The following ZDHHC7 variants were observed in gnomAD, a reference collection of about 807,000 sequenced individuals.
ZDHHC7 encodes palmitoyltransferase ZDHHC7.
Under a neutral mutation model 34.1 loss-of-function variants are expected in ZDHHC7, and 12 were observed. The ratio of observed to expected loss-of-function variants is 0.35; its 90% confidence interval spans 0.23 to 0.57. ZDHHC7 has a LOEUF of 0.57. Among genes scored for constraint, ZDHHC7 ranks in the 20% least tolerant of loss-of-function variants. The pLI is 0.84. For synonymous variants in ZDHHC7, 185 were observed against 155.4 expected (o/e 1.19, Z -1.42); for missense variants, 388 against 402.7 (o/e 0.96, Z 0.31).
intron 7 of ZDHHC7, 142 bp from the exon 8 acceptor site, chr16:84,976,661 C>T (rs750424937): frequency 1.0e-4 from 126 of 1,224,504 alleles, no homozygotes; most frequent in Non-Finnish European, 1.3e-4. Context: ...AGCTCTGCCC[C>T]GATCCAGACC....
intron 1 of ZDHHC7, among the ~76,000 whole-genome samples, chr16:85,010,840 A>T (rs537326252): frequency 1.3e-4 from 20 of 152,374 alleles, no homozygotes; most frequent in African/African-American, 4.8e-4. Flanking sequence ...AGATGGGCAG[A>T]GAATAAAAGA....
At chr16:85,000,504 C>T (rs1236461072) in intron 1 of ZDHHC7, among the ~76,000 whole-genome samples, 2 of 152,082 alleles carry the variant, frequency 1.3e-5, no homozygotes, top group Non-Finnish European at 2.9e-5. Flanking sequence ...AGAAAAGAAC[C>T]AAGACATAAT....
At chr16:84,981,480 G>A (rs1318956435) in intron 4 of ZDHHC7, among the ~76,000 whole-genome samples, 1 of 152,224 alleles carries the variant, frequency 6.6e-6, no homozygotes, top group African/African-American at 2.4e-5. Context: ...AGGAGTGAGG[G>A]GAAGGTTCTG....
At chr16:85,004,480 C>T (rs1009217251) in intron 1 of ZDHHC7, among the ~76,000 whole-genome samples, 1 of 152,062 alleles carries the variant, frequency 6.6e-6, no homozygotes, top group African/African-American at 2.4e-5. Flanking sequence ...CATGTCACTC[C>T]CCTCCCTAAG....
chr16:85,004,193 CA>C (rs964010630), intron 1 of ZDHHC7, among the ~76,000 whole-genome samples: 24 of 150,368 alleles, frequency 1.6e-4, no homozygotes, highest in African/African-American at 4.4e-4. Flanking sequence ...ACACCACACC[CA>C]AAAAAAAAGG....
At chr16:84,990,945 TC>T (rs888594052) in intron 2 of ZDHHC7, among the ~76,000 whole-genome samples, 32 of 152,286 alleles carry the variant, frequency 2.1e-4, no homozygotes, top group African/African-American at 7.5e-4. Flanking sequence ...AGCACTGGGT[TC>T]CCCGGCAGCG....
intron 4 of ZDHHC7, among the ~76,000 whole-genome samples, chr16:84,981,562 T>C (rs1417636221): frequency 1.3e-5 from 2 of 152,198 alleles, no homozygotes; most frequent in African/African-American, 2.4e-5. Context: ...CTGTGTGGCA[T>C]GTGTGCCACA....
upstream of ZDHHC7, among the ~76,000 whole-genome samples, chr16:85,011,838 A>T (rs1187363111): frequency 6.6e-6 from 1 of 152,194 alleles, no homozygotes; most frequent in African/African-American, 2.4e-5. Context: ...GCGGTGTCTC[A>T]GAGGCAGCTC....
At chr16:85,021,409 C>CA in the ZDHHC7 span, among the ~76,000 whole-genome samples, 47,054 of 85,324 alleles carry the variant, frequency 0.55, 13,369 homozygotes, top group African/African-American at 0.79. Context: ...AGACTCCATC[C>CA]AAAAAAAAAA....
At chr16:85,003,376 C>G (rs1367861848) in intron 1 of ZDHHC7, among the ~76,000 whole-genome samples, 3 of 152,194 alleles carry the variant, frequency 2.0e-5, no homozygotes, top group Non-Finnish European at 4.4e-5. Context: ...GGGAAGGCTA[C>G]AGAGGGAGCT....
chr16:84,994,370 C>T (rs911060266), intron 2 of ZDHHC7, among the ~76,000 whole-genome samples: 1 of 152,210 alleles, frequency 6.6e-6, no homozygotes, highest in Non-Finnish European at 1.5e-5. Flanking sequence ...CTGAAAAATT[C>T]CTCTGAGCAG....
chr16:85,010,654 G>A (rs562939562), intron 1 of ZDHHC7, among the ~76,000 whole-genome samples: 1 of 151,642 alleles, frequency 6.6e-6, no homozygotes, highest in Non-Finnish European at 1.5e-5. Context: ...CAATAAACTG[G>A]TTCTTCATAA....
At chr16:85,018,887 C>A in the ZDHHC7 span, among the ~76,000 whole-genome samples, 1 of 152,134 alleles carries the variant, frequency 6.6e-6, no homozygotes, top group Non-Finnish European at 1.5e-5. Flanking sequence ...GTGTTGAGTT[C>A]AACAGCCATG....
rs774804992 is a variant in ZDHHC7 at position 84,977,122 on chromosome 16, T to C, written c.723A>G (p.Gln241=). 25 of 1,614,022 alleles carry C rather than the reference T, an allele frequency of 1.5e-5. No individual in the cohort carries two copies. Among genetic ancestry groups the C allele is most frequent in the East Asian group, 2.2e-5 (1 of 44,902 alleles). Residue 241 remains glutamine (Q), a synonymous_variant, in exon 7 of 8, where the codon CAA becomes CAG. Transcript: ENST00000313732. ...FTFTAVMFGT[Q]IHSICNDETE... ...TCTCGTCGTTGCATATGGAGTGGAT[T>C]TGGGTGCCAAACATAACTGCAGTGA...
chr16:85,020,172 C>A, the ZDHHC7 span, among the ~76,000 whole-genome samples: 1 of 152,252 alleles, frequency 6.6e-6, no homozygotes, highest in African/African-American at 2.4e-5. Context: ...GGGTCTCCTA[C>A]AGTGGGTACC....
At chr16:84,996,671 C>T (rs1243190414) in intron 1 of ZDHHC7, among the ~76,000 whole-genome samples, 1 of 152,110 alleles carries the variant, frequency 6.6e-6, no homozygotes, top group Non-Finnish European at 1.5e-5. Flanking sequence ...AAGTCAGGGG[C>T]CACAGGGAAA....
At chr16:85,003,728 A>C (rs2072681387) in intron 1 of ZDHHC7, among the ~76,000 whole-genome samples, 1 of 152,212 alleles carries the variant, frequency 6.6e-6, no homozygotes, top group Admixed American at 6.5e-5. Context: ...TTCATATTAA[A>C]ATACTTAATC....
rs1232616798 is a variant in ZDHHC7, at chr16:84,974,346, T to C, written c.*1997A>G. The C allele has an allele frequency of 1.3e-5, 2 of 152,042 alleles. No individual in the cohort carries two copies. Among genetic ancestry groups the C allele is most frequent in the African/African-American group, 2.4e-5 (1 of 41,394 alleles). 9.4% of individuals were successfully genotyped at this position (152,042 alleles called of 1,614,324 possible). A position where few individuals can be genotyped will look rare whatever the true frequency, so the allele number is the denominator to read the frequency against. ...GTCATGGGCACAAAAGCATTTAGAG[T>C]TTCTGGAAACTGTTTGGGAGTGACC... is the stretch of plus-strand genomic sequence containing the variant. On this transcript the variant is annotated 3_prime_UTR_variant, in exon 8 of 8. Transcript: ENST00000313732.
At chr16:85,011,656 A>C (rs1025853041), upstream of ZDHHC7, 2 of 152,202 alleles carry the variant, frequency 1.3e-5, no homozygotes, top group African/African-American at 4.8e-5. Flanking sequence ...CAGTTCATTG[A>C]GAAAAGGCAG....
Sources: allele counts gnomAD v4.1 joint callset (sites outside exome capture counted in the v4.1 genomes callset), GRCh38; gene constraint gnomAD v4.1.1; transcripts MANE v1.5; gene names NCBI Gene and HGNC (gene_info 2026-07-23, HGNC 2026-07-21).